Variants in PRKAR1A observed in about 807,000 individuals in gnomAD.
The protein encoded by PRKAR1A is protein kinase cAMP-dependent type I regulatory subunit alpha.
Under a neutral mutation model 52.0 loss-of-function variants are expected in PRKAR1A, and 3 were observed. That is an observed-to-expected ratio of 0.06 (90% CI 0.03 to 0.15). PRKAR1A has a LOEUF of 0.15. PRKAR1A is among the 10% of genes least tolerant of loss of function. PRKAR1A has a pLI of 1.00. For synonymous variants in PRKAR1A, 188 were observed against 168.4 expected (o/e 1.12, Z -0.90); for missense variants, 240 against 477.4 (o/e 0.50, Z 4.63).
rs1420913010 is a variant in PRKAR1A at position 68,530,010 on chromosome 17, G to C, written c.973+9G>C. 4 of 1,610,318 alleles carry C rather than the reference G, an allele frequency of 2.5e-6. No individual in the cohort carries two copies. Among genetic ancestry groups the C allele is most frequent in the Admixed American group, 1.7e-5 (1 of 59,988 alleles). On this transcript the variant is annotated intron_variant, in intron 10 of 10. Coordinates refer to ENST00000589228, the MANE Select transcript of PRKAR1A (RefSeq NM_002734.5). ...GCCTTCTGATTATTTTGGTATGTATGAATTCCCTCACAATAAATACATGGT... is the reference window on the plus strand; with the variant it reads ...GCCTTCTGATTATTTTGGTATGTATCAATTCCCTCACAATAAATACATGGT...
At chr17:68,445,499 G>A in the PRKAR1A span, among the ~76,000 whole-genome samples, 1 of 149,358 alleles carries the variant, frequency 6.7e-6, no homozygotes, top group Non-Finnish European at 1.5e-5. Context: ...AAAAGGAGAA[G>A]GGCTTCGGCC....
At chr17:68,491,280 T>A in the PRKAR1A span, among the ~76,000 whole-genome samples, 1 of 152,016 alleles carries the variant, frequency 6.6e-6, no homozygotes, top group Non-Finnish European at 1.5e-5. Context: ...TTATTAGAGA[T>A]GGGATTTCAC....
chr17:68,482,382 C>A, the PRKAR1A span, among the ~76,000 whole-genome samples: 1 of 152,136 alleles, frequency 6.6e-6, no homozygotes, highest in Non-Finnish European at 1.5e-5. Flanking sequence ...TGACACACAA[C>A]TGTTGGGAGG....
chr17:68,517,978 C>T (rs72847790), intron 2 of PRKAR1A, among the ~76,000 whole-genome samples: 19,132 of 152,152 alleles, frequency 0.13, 1,268 homozygotes, highest in South Asian at 0.19. Context: ...CGTGCAAATC[C>T]GAAATCCAAC....
At chr17:68,539,699 G>A (rs1023693850) in intron 11 of PRKAR1A, among the ~76,000 whole-genome samples, 2 of 152,246 alleles carry the variant, frequency 1.3e-5, no homozygotes, top group Non-Finnish European at 2.9e-5. Context: ...CAGGCTGGAG[G>A]AGGATCAAGT....
At chr17:68,463,194 G>T in the PRKAR1A span, among the ~76,000 whole-genome samples, 4 of 152,142 alleles carry the variant, frequency 2.6e-5, no homozygotes, top group African/African-American at 9.7e-5. Context: ...TTAGTTCTAG[G>T]ATGGTTGGGG....
the PRKAR1A span, among the ~76,000 whole-genome samples, chr17:68,487,026 A>C: frequency 6.6e-6 from 1 of 152,006 alleles, no homozygotes; most frequent in Non-Finnish European, 1.5e-5. Flanking sequence ...GGTTTCTGCC[A>C]CCGCACCCGG....
the PRKAR1A span, among the ~76,000 whole-genome samples, chr17:68,429,674 C>T: frequency 4.1e-4 from 63 of 152,186 alleles, no homozygotes; most frequent in Non-Finnish European, 6.3e-4. Context: ...CTGCAACCTC[C>T]GCCTCCTGGG....
the PRKAR1A span, among the ~76,000 whole-genome samples, chr17:68,484,486 T>G: frequency 1.3e-5 from 2 of 152,060 alleles, no homozygotes; most frequent in African/African-American, 4.8e-5. Flanking sequence ...TCCATCGGGT[T>G]TTCTACAATT....
At chr17:68,460,673 C>A in the PRKAR1A span, among the ~76,000 whole-genome samples, 1 of 152,156 alleles carries the variant, frequency 6.6e-6, no homozygotes, top group Non-Finnish European at 1.5e-5. Context: ...TAAATCTGTG[C>A]CTATTTTATT....
chr17:68,426,250 G>A, the PRKAR1A span: 21 of 827,938 alleles, frequency 2.5e-5, 4 homozygotes, highest in South Asian at 2.2e-4. Flanking sequence ...GGTGGGGAGC[G>A]GGGGCTCAAA....
rs1803241 is a variant in PRKAR1A at position 68,530,332 on chromosome 17, C to T, written c.1029C>T (p.Gly343=). The T allele has an allele frequency of 4.5e-4, 733 of 1,614,078 alleles. 3 individuals carry two copies. The African/African-American group carries it at 8.7e-3, about 19-fold the overall frequency. ...RPRAATVVAR[G]PLKCVKLDRP... ...GTGCTGCCACAGTTGTTGCTCGTGG[C>T]CCCTTGAAGTGCGTTAAGCTGGACC... The change falls in exon 11 of 11, where the codon GGC becomes GGT. Residue 343 remains glycine (G), a synonymous_variant. Coordinates refer to ENST00000589228, the MANE Select transcript of PRKAR1A (RefSeq NM_002734.5).
the PRKAR1A span, among the ~76,000 whole-genome samples, chr17:68,482,072 T>A: frequency 1.3e-5 from 2 of 152,072 alleles, no homozygotes; most frequent in African/African-American, 2.4e-5. Context: ...CAGTGGGGGA[T>A]GTAAAAGCCA....
At chr17:68,434,658 C>T in the PRKAR1A span, 1 of 1,610,314 alleles carries the variant, frequency 6.2e-7, no homozygotes, top group Non-Finnish European at 8.5e-7. Context: ...CATTTCATAA[C>T]CATTAGTGGC....
chr17:68,498,316 C>T, the PRKAR1A span, among the ~76,000 whole-genome samples: 1 of 152,198 alleles, frequency 6.6e-6, no homozygotes, highest in Non-Finnish European at 1.5e-5. Context: ...CTTCTCCTTT[C>T]CTCCCCAAAA....
chr17:68,515,253 C>T (rs2085392916), intron 1 of PRKAR1A, 141 bp from the exon 2 acceptor site: 1 of 811,664 alleles, frequency 1.2e-6, no homozygotes, highest in South Asian at 1.5e-5. Flanking sequence ...TTCCCTAGTC[C>T]CCACTTCCCT....
At chr17:68,465,163 ACCT>A in the PRKAR1A span, among the ~76,000 whole-genome samples, 1 of 151,410 alleles carries the variant, frequency 6.6e-6, no homozygotes, top group Non-Finnish European at 1.5e-5. Flanking sequence ...CCATCACCTG[ACCT>A]CGTGATCTGC....
chr17:68,539,251 C>T (rs945212994), intron 11 of PRKAR1A: 4 of 1,368,040 alleles, frequency 2.9e-6, no homozygotes, highest in Non-Finnish European at 4.2e-6. Flanking sequence ...CCAGTGAAAA[C>T]TGGAAGCCCT....
At chr17:68,436,744 C>A in the PRKAR1A span, among the ~76,000 whole-genome samples, 7 of 152,206 alleles carry the variant, frequency 4.6e-5, no homozygotes, top group Non-Finnish European at 8.8e-5. Flanking sequence ...GTGGCTCATG[C>A]CTGTAATTCC....
Sources: gnomAD v4.1 joint callset for allele counts (sites outside exome capture counted in the v4.1 genomes callset) on GRCh38, gnomAD v4.1.1 for gene constraint, MANE v1.5 for transcripts, NCBI Gene and HGNC (gene_info 2026-07-23, HGNC 2026-07-21) for gene names.